Variants in TMEM132B observed in about 807,000 individuals in gnomAD.
TMEM132B encodes transmembrane protein 132B.
TMEM132B carries 18 observed loss-of-function variants against 90.8 expected under a neutral mutation model. The ratio of observed to expected loss-of-function variants is 0.20; its 90% CI spans 0.14 to 0.29. The LOEUF is 0.29. Ranked by LOEUF, TMEM132B falls within the 10% of genes least tolerant of loss-of-function variation. TMEM132B has a pLI of 1.00. For synonymous variants in TMEM132B, 504 were observed against 523.3 expected (o/e 0.96, Z 0.50); for missense variants, 1,096 against 1,326.8 (o/e 0.83, Z 2.70).
chr12:125,188,964 T>G (rs1957779154), intron 1 of TMEM132B, among the ~76,000 whole-genome samples: 1 of 151,630 alleles, frequency 6.6e-6, no homozygotes, highest in South Asian at 2.1e-4. Context: ...TCAGGGCTGG[T>G]TGGATTTTCT....
At chr12:125,376,862 T>A (rs1158097175) in intron 2 of TMEM132B, among the ~76,000 whole-genome samples, 1 of 152,172 alleles carries the variant, frequency 6.6e-6, no homozygotes, top group Non-Finnish European at 1.5e-5. Context: ...TGAAAGCAGA[T>A]CTATGTGAAA....
In TMEM132B at chr12:125,408,964, T is replaced by C. The variant is rs1029904699; in HGVS notation, c.960-6567T>C. Among the ~76,000 whole-genome samples, 1 of 152,198 alleles carries C rather than the reference T, an allele frequency of 6.6e-6. No individual in the cohort carries two copies. The highest frequency in any genetic ancestry group is 2.4e-5 in the African/African-American group (1 of 41,442). On this transcript the variant is annotated intron_variant, in intron 2 of 8. Transcript: ENST00000682704. The surrounding 1 kb of genome is among the most constrained non-coding windows in gnomAD (Gnocchi z 5.9). ...GCACAAGGGGATACACCAGAGTGGA[T>C]TGTTAATAATAATAGTGATAATGAT... is the stretch of plus-strand genomic sequence containing the variant.
chr12:125,600,607 A>T (rs970476896), intron 5 of TMEM132B, among the ~76,000 whole-genome samples: 5 of 152,202 alleles, frequency 3.3e-5, no homozygotes, highest in African/African-American at 4.8e-5. Context: ...TGATTGATTC[A>T]TTCAATTTTT....
At chr12:125,319,507 G>A (rs1454438967) in intron 1 of TMEM132B, among the ~76,000 whole-genome samples, 1 of 152,226 alleles carries the variant, frequency 6.6e-6, no homozygotes, top group African/African-American at 2.4e-5. Flanking sequence ...TGCCCTTCAT[G>A]TGGCTGCAGA....
chr12:125,233,129 C>G (rs559222850), intron 1 of TMEM132B, among the ~76,000 whole-genome samples: 4 of 152,300 alleles, frequency 2.6e-5, no homozygotes, highest in African/African-American at 9.6e-5. Flanking sequence ...CAGGCCAGGA[C>G]TAGGATTTTT....
chr12:125,365,902 T>C (rs532531099), intron 2 of TMEM132B, among the ~76,000 whole-genome samples: 1 of 152,232 alleles, frequency 6.6e-6, no homozygotes, highest in East Asian at 1.9e-4. Flanking sequence ...TTTGGAAATA[T>C]ATAATAAATT....
chr12:125,291,859 C>T (rs1395616191), intron 1 of TMEM132B, among the ~76,000 whole-genome samples: 1 of 152,160 alleles, frequency 6.6e-6, no homozygotes, highest in African/African-American at 2.4e-5. Context: ...GATTATGCAA[C>T]CATCAGCACC....
At chr12:125,303,806 C>T (rs1304494358) in intron 1 of TMEM132B, among the ~76,000 whole-genome samples, 2 of 152,166 alleles carry the variant, frequency 1.3e-5, no homozygotes, top group South Asian at 2.1e-4. Flanking sequence ...CTATTCAAGT[C>T]TTTTGCTCAT....
At chr12:125,359,526 A>T (rs1440476909) in intron 2 of TMEM132B, among the ~76,000 whole-genome samples, 1 of 152,208 alleles carries the variant, frequency 6.6e-6, no homozygotes, top group Non-Finnish European at 1.5e-5. Flanking sequence ...ATAGACAAAT[A>T]TACACTCTGG....
chr12:125,543,494 T>C (rs1399001108), intron 4 of TMEM132B, among the ~76,000 whole-genome samples: 1 of 152,234 alleles, frequency 6.6e-6, no homozygotes, highest in Admixed American at 6.5e-5. Context: ...TCATTTTATA[T>C]AAGAGATTTG....
chr12:125,431,036 G>A (rs907405580), intron 3 of TMEM132B, among the ~76,000 whole-genome samples: 23 of 152,040 alleles, frequency 1.5e-4, no homozygotes, highest in Non-Finnish European at 2.5e-4. Context: ...GTGAAGGAGG[G>A]GGCAGCGGGG....
chr12:125,210,730 G>A (rs757143180), intron 1 of TMEM132B, among the ~76,000 whole-genome samples: 3 of 152,154 alleles, frequency 2.0e-5, no homozygotes, highest in African/African-American at 7.2e-5. Flanking sequence ...TTGGGAGGCC[G>A]AGGTGGGCAG....
chr12:125,602,554 A>G (rs1261919966), intron 5 of TMEM132B, among the ~76,000 whole-genome samples: 2 of 152,238 alleles, frequency 1.3e-5, no homozygotes, highest in East Asian at 1.9e-4. Context: ...AAACCAGCAC[A>G]AGACAAGAAT....
intron 4 of TMEM132B, among the ~76,000 whole-genome samples, chr12:125,532,816 T>C (rs897816620): frequency 5.3e-5 from 8 of 151,978 alleles, no homozygotes; most frequent in Non-Finnish European, 1.2e-4. Context: ...CACCCGGCCT[T>C]AGGAACCTGT....
chr12:125,377,328 G>A (rs1878524244), intron 2 of TMEM132B, among the ~76,000 whole-genome samples: 2 of 152,234 alleles, frequency 1.3e-5, no homozygotes, highest in Admixed American at 6.5e-5. Context: ...ACCCAGAGAG[G>A]AAGCCCACAT....
At chr12:125,300,217 G>A (rs1375737757) in intron 1 of TMEM132B, among the ~76,000 whole-genome samples, 1 of 151,872 alleles carries the variant, frequency 6.6e-6, no homozygotes, top group Non-Finnish European at 1.5e-5. Context: ...TTTGGTACAT[G>A]TAGAGATAAG....
At chr12:125,589,270 C>T (rs890111263) in intron 5 of TMEM132B, among the ~76,000 whole-genome samples, 1 of 151,916 alleles carries the variant, frequency 6.6e-6, no homozygotes, top group Admixed American at 6.5e-5. Context: ...ATCACGAGGT[C>T]AGGAGATCGA....
At position 125,350,024 on chromosome 12, in the gene TMEM132B, C is replaced by G; in HGVS notation, c.640C>G (p.Leu214Val). The G allele has an allele frequency of 6.2e-7, 1 of 1,614,222 alleles. No individual in the cohort carries two copies. Among genetic ancestry groups the G allele is most frequent in the African/African-American group, 1.3e-5 (1 of 75,072 alleles). The change falls in exon 2 of 9, where the codon CTG becomes GTG. Residue 214 changes from leucine (L) to valine (V), a missense_variant. Physicochemically the swap from Leu to Val is conservative, Grantham distance 32. Transcript: ENST00000682704. The stretch of plus-strand genomic sequence containing the variant: ...GGAACCAGAGGAGGAGATCCCAGCC[C>G]TGCTCGGGGGCACCACGATGGAGCT... ...DLEPEEEIPA[L>V]LGGTTMELFF...
intron 1 of TMEM132B, among the ~76,000 whole-genome samples, chr12:125,309,632 C>T (rs1439900792): frequency 1.3e-5 from 2 of 152,148 alleles, no homozygotes; most frequent in Admixed American, 1.3e-4. Context: ...AGGTTCATCA[C>T]TGAAGAGCTA....
Sources: allele counts gnomAD v4.1 joint callset (sites outside exome capture counted in the v4.1 genomes callset), GRCh38; gene constraint gnomAD v4.1.1; non-coding constraint Gnocchi (gnomAD v3.1); transcripts MANE v1.5; gene names NCBI Gene and HGNC (gene_info 2026-07-23, HGNC 2026-07-21).